Variants in LRRC7 observed in about 807,000 individuals in gnomAD.
LRRC7 encodes leucine rich repeat containing 7, also known as leucine-rich repeat-containing protein 7.
LRRC7 carries 23 observed loss-of-function variants against 175.7 expected under a neutral mutation model. That is an observed-to-expected ratio of 0.13 (90% CI 0.09 to 0.19). The LOEUF (loss-of-function observed/expected upper bound fraction) is 0.19. Ranked by LOEUF, LRRC7 falls within the 10% of genes least tolerant of loss-of-function variation. The probability of loss-of-function intolerance (pLI) is 1.00; values close to 1 mark genes in which losing one functional copy is unlikely to be tolerated. For synonymous variants in LRRC7, 685 were observed against 680.9 expected (o/e 1.01, Z -0.09); for missense variants, 1,354 against 1,904.7 (o/e 0.71, Z 5.38).
At chr1:69,938,172 G>A (rs902449623) in intron 8 of LRRC7, among the ~76,000 whole-genome samples, 3 of 151,980 alleles carry the variant, frequency 2.0e-5, no homozygotes, top group African/African-American at 7.2e-5. Flanking sequence ...GAATTTAAAA[G>A]TTCAAAAATT....
chr1:69,911,114 A>T (rs1225889498), intron 7 of LRRC7, among the ~76,000 whole-genome samples: 1 of 152,096 alleles, frequency 6.6e-6, no homozygotes, highest in Non-Finnish European at 1.5e-5. Context: ...CCTTTCTTTG[A>T]CTAGGAAAGG....
intron 25 of LRRC7, among the ~76,000 whole-genome samples, chr1:70,095,139 T>C (rs1476477685): frequency 6.6e-6 from 1 of 152,178 alleles, no homozygotes; most frequent in Admixed American, 6.5e-5. Flanking sequence ...AGTGATTATG[T>C]AAGGCAAAGT....
chr1:69,636,470 C>G (rs1336112213), intron 1 of LRRC7, among the ~76,000 whole-genome samples: 1 of 151,522 alleles, frequency 6.6e-6, no homozygotes, highest in African/African-American at 2.4e-5. Context: ...TTGTAGTTAG[C>G]AAGTAGGAGG....
At chr1:69,703,955 G>A (rs1557623362) in intron 2 of LRRC7, among the ~76,000 whole-genome samples, 1 of 151,868 alleles carries the variant, frequency 6.6e-6, no homozygotes, top group Non-Finnish European at 1.5e-5. Flanking sequence ...ATTTATAGGT[G>A]TTCTAGGTTC....
intron 7 of LRRC7, among the ~76,000 whole-genome samples, chr1:69,852,229 G>A (rs1009675678): frequency 1.3e-5 from 2 of 151,958 alleles, no homozygotes; most frequent in African/African-American, 4.8e-5. Context: ...ACTGTAACTT[G>A]TAAAGGGAAA....
At chr1:69,713,685 G>T (rs905596898) in intron 2 of LRRC7, among the ~76,000 whole-genome samples, 1 of 151,238 alleles carries the variant, frequency 6.6e-6, no homozygotes, top group African/African-American at 2.4e-5. Flanking sequence ...GTCCAGCTAC[G>T]TTTATGATCA....
intron 21 of LRRC7, among the ~76,000 whole-genome samples, chr1:70,042,372 G>A (rs1274569221): frequency 6.6e-6 from 1 of 152,110 alleles, no homozygotes; most frequent in Non-Finnish European, 1.5e-5. Context: ...AATTTAATTG[G>A]GTCATTTGAA....
intron 7 of LRRC7, among the ~76,000 whole-genome samples, chr1:69,896,681 C>T (rs1343345875): frequency 6.6e-6 from 1 of 152,032 alleles, no homozygotes; most frequent in Non-Finnish European, 1.5e-5. Context: ...CTTCCTATAC[C>T]ATTGCCTTTA....
chr1:69,695,122 A>G lies in LRRC7; in HGVS notation c.100+16644A>G, dbSNP rs533420561. On this transcript the variant is annotated intron_variant, in intron 2 of 26. Coordinates refer to ENST00000651989, the MANE Select transcript of LRRC7 (RefSeq NM_001370785.2). ...TTAAGTATTTGTGACCAAAATGCTGATAGAAATATGGATAGTGACATCCAA... is the reference window on the plus strand; with the variant it reads ...TTAAGTATTTGTGACCAAAATGCTGGTAGAAATATGGATAGTGACATCCAA... Among the ~76,000 whole-genome samples the G allele has an allele frequency of 2.0e-5, 3 of 152,288 alleles. No homozygotes were observed. The South Asian group carries it at 6.2e-4, about 32-fold the overall frequency.
In LRRC7 at chr1:70,076,246, GGT is replaced by G; in HGVS notation, c.4402_4403del (p.Cys1468LeufsTer5). On this transcript the variant is annotated frameshift_variant, in exon 24 of 27. Coordinates refer to ENST00000651989, the MANE Select transcript of LRRC7 (RefSeq NM_001370785.2). LOFTEE classifies it high-confidence loss of function. ...GCCACCCGGGGACCTCAGCCTGGAC[GGT>G]GCTTAATTCAAACTAAAGGGCAAAG... 1 of 1,614,080 alleles carries G rather than the reference GGT, an allele frequency of 6.2e-7. No homozygotes were observed.
At chr1:69,695,624 C>T (rs1047070835) in intron 2 of LRRC7, among the ~76,000 whole-genome samples, 4 of 152,164 alleles carry the variant, frequency 2.6e-5, no homozygotes, top group African/African-American at 9.7e-5. Flanking sequence ...GCAGACCCTC[C>T]CATCATAGGC....
At chr1:69,819,573 C>CTGTGTGTG (rs1211392847) in intron 4 of LRRC7, among the ~76,000 whole-genome samples, 1 of 128,110 alleles carries the variant, frequency 7.8e-6, no homozygotes, top group African/African-American at 3.6e-5. Flanking sequence ...CTCTCTCTCT[C>CTGTGTGTG]TCTCTGTGTG....
At chr1:69,703,358 A>C (rs537933496) in intron 2 of LRRC7, among the ~76,000 whole-genome samples, 1 of 152,166 alleles carries the variant, frequency 6.6e-6, no homozygotes, top group African/African-American at 2.4e-5. Flanking sequence ...TAAAAGTAAT[A>C]CTATAGTTTT....
intron 2 of LRRC7, among the ~76,000 whole-genome samples, chr1:69,749,378 GA>G (rs1160947129): frequency 6.6e-6 from 1 of 152,076 alleles, no homozygotes; most frequent in Admixed American, 6.6e-5. Flanking sequence ...GACAGACCAG[GA>G]AAGCAGCATT....
intron 26 of LRRC7, among the ~76,000 whole-genome samples, chr1:70,119,241 G>T (rs1666058274): frequency 6.6e-6 from 1 of 151,920 alleles, no homozygotes; most frequent in Non-Finnish European, 1.5e-5. Context: ...ATGCCTCAGT[G>T]AAACAGCAAA....
chr1:69,847,535 C>G (rs961657738), intron 7 of LRRC7, among the ~76,000 whole-genome samples: 2 of 152,070 alleles, frequency 1.3e-5, no homozygotes, highest in Non-Finnish European at 2.9e-5. Flanking sequence ...CACCGCATAA[C>G]AAAACCAAAC....
chr1:69,704,267 T>C (rs1335045739), intron 2 of LRRC7, among the ~76,000 whole-genome samples: 2 of 151,978 alleles, frequency 1.3e-5, no homozygotes, highest in Non-Finnish European at 2.9e-5. Flanking sequence ...TAAAGGGAAA[T>C]ACAATTATAA....
At chr1:69,867,001 G>T (rs577759241) in intron 7 of LRRC7, among the ~76,000 whole-genome samples, 55 of 152,056 alleles carry the variant, frequency 3.6e-4, no homozygotes, top group Middle Eastern at 6.8e-3. Flanking sequence ...TGAGACACTG[G>T]AATAAATAAA....
intron 1 of LRRC7, among the ~76,000 whole-genome samples, chr1:69,578,594 A>G (rs1646056441): frequency 6.6e-6 from 1 of 151,408 alleles, no homozygotes; most frequent in Non-Finnish European, 1.5e-5. Context: ...CATATACACC[A>G]TGGAATACTA....
Sources: gnomAD v4.1 joint callset for allele counts (sites outside exome capture counted in the v4.1 genomes callset) on GRCh38, gnomAD v4.1.1 for gene constraint, MANE v1.5 for transcripts, NCBI Gene and HGNC (gene_info 2026-07-23, HGNC 2026-07-21) for gene names.